The following FANK1 variants were observed in gnomAD, a reference collection of about 807,000 sequenced individuals.
FANK1 encodes fibronectin type 3 and ankyrin repeat domains protein 1.
FANK1 carries 44 observed loss-of-function variants against 45.3 expected under a neutral mutation model. That is an observed-to-expected ratio of 0.97 (90% CI 0.76 to 1.25). The LOEUF (loss-of-function observed/expected upper bound fraction) is 1.25. FANK1 is among the 50% of genes most tolerant of loss of function. The probability of loss-of-function intolerance (pLI) is 0.00; values close to 1 mark genes in which losing one functional copy is unlikely to be tolerated. For missense variants in FANK1, 391 were observed against 424.4 expected, an observed-to-expected ratio of 0.92 and a Z score of 0.69; for synonymous variants, 149 against 152.5, an observed-to-expected ratio of 0.98 and a Z score of 0.17.
At chr10:125,906,376 C>T (rs1265842122) in intron 1 of FANK1, among the ~76,000 whole-genome samples, 1 of 151,818 alleles carries the variant, frequency 6.6e-6, no homozygotes, top group Admixed American at 6.6e-5. Context: ...ATCAGCTGGG[C>T]ATGGTGGTGT....
chr10:125,976,665 C>T (rs1465787044), intron 1 of FANK1, among the ~76,000 whole-genome samples: 1 of 152,012 alleles, frequency 6.6e-6, no homozygotes, highest in African/African-American at 2.4e-5. Flanking sequence ...CTCTGTCACC[C>T]AGGCTGGAGT....
At chr10:125,998,998 A>G (rs956357797) in intron 6 of FANK1, among the ~76,000 whole-genome samples, 1 of 152,164 alleles carries the variant, frequency 6.6e-6, no homozygotes, top group Non-Finnish European at 1.5e-5. Flanking sequence ...TAGAGGAAAA[A>G]AAAGCTATTT....
chr10:125,971,832 C>A (rs1325501977), intron 1 of FANK1, among the ~76,000 whole-genome samples: 1 of 152,084 alleles, frequency 6.6e-6, no homozygotes, highest in Non-Finnish European at 1.5e-5. Flanking sequence ...CCATGTTAGC[C>A]AGGATGGTCT....
At chr10:126,001,415 A>G (rs1952746072) in intron 6 of FANK1, among the ~76,000 whole-genome samples, 2 of 152,218 alleles carry the variant, frequency 1.3e-5, no homozygotes, top group Non-Finnish European at 2.9e-5. Flanking sequence ...ACAGAACAAG[A>G]GAGAAAAGAC....
chr10:125,918,844 A>G (rs940474459), intron 1 of FANK1, among the ~76,000 whole-genome samples: 5 of 151,888 alleles, frequency 3.3e-5, no homozygotes, highest in African/African-American at 1.2e-4. Context: ...AGATAGTTGG[A>G]GAAATTGCAG....
In FANK1 at chr10:125,963,442, C is replaced by G. The variant is rs578257374; in HGVS notation, c.14-16719C>G. On this transcript the variant is annotated intron_variant, in intron 1 of 10. Coordinates refer to ENST00000368693, the MANE Select transcript of FANK1 (RefSeq NM_145235.5). ...AATCATGCTGCTATACAGACACATGCACAGGTACGTTTATTGCGGCACTAT... is the reference window on the plus strand; with the variant it reads ...AATCATGCTGCTATACAGACACATGGACAGGTACGTTTATTGCGGCACTAT... 7.2e-5 allele frequency among the ~76,000 whole-genome samples: 11 copies of G among 152,326 alleles called. No homozygotes were observed. The South Asian group carries it at 2.3e-3, about 32-fold the overall frequency.
rs527590916 is a variant in FANK1 at position 125,934,802 on chromosome 10, C to G, written c.13+38147C>G. Among the ~76,000 whole-genome samples, 18 of 119,148 alleles carry G rather than the reference C, an allele frequency of 1.5e-4. No individual in the cohort carries two copies. The South Asian group carries it at 3.8e-3, about 25-fold the overall frequency. 78.2% of individuals were successfully genotyped at this position (119,148 alleles called of 152,430 possible). On this transcript the variant is annotated intron_variant, in intron 1 of 10. Transcript: ENST00000368693. Reference sequence around the variant, plus strand: ...AAAGACAGTTGGAATGTGGCAGAACCAGGATTCTATCCCAGTCTGGCTGTC... The same window carrying G: ...AAAGACAGTTGGAATGTGGCAGAACGAGGATTCTATCCCAGTCTGGCTGTC...
chr10:125,921,963 T>G (rs1302680633), intron 1 of FANK1, among the ~76,000 whole-genome samples: 1 of 152,234 alleles, frequency 6.6e-6, no homozygotes, highest in Non-Finnish European at 1.5e-5. Context: ...TGTTTAAATA[T>G]TACTGATTTA....
At chr10:125,996,299 G>C (rs1481713691) in intron 4 of FANK1, among the ~76,000 whole-genome samples, 1 of 152,210 alleles carries the variant, frequency 6.6e-6, no homozygotes, top group Admixed American at 6.5e-5. Flanking sequence ...TTGAGCCGAA[G>C]CATGTATATT....
chr10:125,990,196 C>T (rs1951832871), intron 3 of FANK1, among the ~76,000 whole-genome samples: 1 of 152,190 alleles, frequency 6.6e-6, no homozygotes, highest in Non-Finnish European at 1.5e-5. Flanking sequence ...CTTTTGGTCT[C>T]TCACCTACAT....
At chr10:125,994,878 T>A in intron 3 of FANK1, 1 of 985,404 alleles carries the variant, frequency 1.0e-6, no homozygotes, top group Non-Finnish European at 1.2e-6. Flanking sequence ...CTCCCCTAAT[T>A]GGCTTTTCTC....
intron 1 of FANK1, among the ~76,000 whole-genome samples, chr10:125,958,565 A>G (rs11244725): frequency 0.37 from 56,568 of 152,006 alleles, 11,027 homozygotes; most frequent in Non-Finnish European, 0.44. Flanking sequence ...GAACCTCCAT[A>G]CTGTTTTCCA....
chr10:125,949,062 T>C (rs1949017562), intron 1 of FANK1, among the ~76,000 whole-genome samples: 1 of 150,824 alleles, frequency 6.6e-6, no homozygotes, highest in African/African-American at 2.4e-5. Context: ...TTGACAAAAT[T>C]CAACAACCCT....
At chr10:125,998,447 A>C (rs1053355492) in intron 6 of FANK1, among the ~76,000 whole-genome samples, 3 of 152,226 alleles carry the variant, frequency 2.0e-5, no homozygotes, top group Non-Finnish European at 2.9e-5. Context: ...TAAGCCATCA[A>C]CTCCAAGTTT....
At chr10:125,952,869 C>T (rs978136622) in intron 1 of FANK1, among the ~76,000 whole-genome samples, 2 of 146,272 alleles carry the variant, frequency 1.4e-5, no homozygotes, top group East Asian at 2.0e-4. Context: ...ACTGTTCTTA[C>T]GTGCCTGATA....
chr10:125,922,801 A>C (rs187549956), intron 1 of FANK1, among the ~76,000 whole-genome samples: 185 of 152,322 alleles, frequency 1.2e-3, no homozygotes, highest in Non-Finnish European at 2.1e-3. Context: ...AGGCATGACC[A>C]CCACACCTGG....
chr10:125,979,919 G>A, intron 1 of FANK1: 1 of 615,722 alleles, frequency 1.6e-6, no homozygotes, highest in South Asian at 1.6e-5. Context: ...AGTGGGGGTG[G>A]TATGATATTG....
intron 1 of FANK1, among the ~76,000 whole-genome samples, chr10:125,956,565 C>T (rs1949590626): frequency 6.6e-6 from 1 of 152,112 alleles, no homozygotes; most frequent in Admixed American, 6.6e-5. Context: ...AAATATACCA[C>T]AGGTACATGA....
chr10:125,939,496 TGTG>T (rs1340416050), intron 1 of FANK1, among the ~76,000 whole-genome samples: 1 of 152,220 alleles, frequency 6.6e-6, no homozygotes, highest in Non-Finnish European at 1.5e-5. Flanking sequence ...ATAAAGCAAA[TGTG>T]GCAACATTTT....
Sources: gnomAD v4.1 joint callset for allele counts (sites outside exome capture counted in the v4.1 genomes callset) on GRCh38, gnomAD v4.1.1 for gene constraint, MANE v1.5 for transcripts, NCBI Gene and HGNC (gene_info 2026-07-23, HGNC 2026-07-21) for gene names.